The following SAMMSON variants were observed in gnomAD, a reference collection of about 807,000 sequenced individuals.
SAMMSON encodes survival associated mitochondrial melanoma specific oncogenic non-coding RNA.
At chr3:70,159,176 T>G (rs1468686207) in intron 4 of SAMMSON, among the ~76,000 whole-genome samples, 3 of 152,220 alleles carry the variant, frequency 2.0e-5, no homozygotes, top group Admixed American at 1.3e-4. Context: ...TTTTACTTAG[T>G]GATTTTTTTT....
intron 6 of SAMMSON, among the ~76,000 whole-genome samples, chr3:70,277,804 AC>A (rs763822023): frequency 3.9e-5 from 6 of 152,050 alleles, no homozygotes; most frequent in African/African-American, 7.2e-5. Flanking sequence ...CATTTTTTAT[AC>A]AAATGGTTGT....
intron 9 of SAMMSON, among the ~76,000 whole-genome samples, chr3:70,359,123 AT>A (rs1702852282): frequency 6.6e-6 from 1 of 151,950 alleles, no homozygotes; most frequent in Non-Finnish European, 1.5e-5. Flanking sequence ...ATCATCATCA[AT>A]TTCTCCTCTT....
At chr3:70,392,981 G>A (rs1222692591), downstream of SAMMSON, among the ~76,000 whole-genome samples, 1 of 152,022 alleles carries the variant, frequency 6.6e-6, no homozygotes, top group Non-Finnish European at 1.5e-5. Context: ...GCACATTTTG[G>A]GATCTCCAAT....
chr3:70,408,220 A>G (rs1031457164), intron 2 of SAMMSON, among the ~76,000 whole-genome samples: 1 of 152,096 alleles, frequency 6.6e-6, no homozygotes, highest in Non-Finnish European at 1.5e-5. Context: ...TGCCATGAAG[A>G]CCTCTAACAT....
intron 4 of SAMMSON, among the ~76,000 whole-genome samples, chr3:70,246,791 T>C (rs1701711502): frequency 6.6e-6 from 1 of 152,044 alleles, no homozygotes; most frequent in Non-Finnish European, 1.5e-5. Flanking sequence ...AAAAAACATT[T>C]TTAGAGGGAA....
chr3:70,004,386 G>A (rs2066918155), intron 1 of SAMMSON, among the ~76,000 whole-genome samples: 2 of 152,060 alleles, frequency 1.3e-5, no homozygotes, highest in African/African-American at 2.4e-5. Flanking sequence ...GGATGTCTTG[G>A]TACCATAAAA....
chr3:70,008,429 A>G (rs1212262024), intron 1 of SAMMSON, among the ~76,000 whole-genome samples: 3 of 152,156 alleles, frequency 2.0e-5, no homozygotes, highest in South Asian at 4.1e-4. Flanking sequence ...GAGTTCACTC[A>G]TGATTTGGCT....
At chr3:70,028,815 G>A (rs116610633) in intron 3 of SAMMSON, among the ~76,000 whole-genome samples, 128 of 152,266 alleles carry the variant, frequency 8.4e-4, no homozygotes, top group African/African-American at 2.9e-3. Flanking sequence ...TGTCATCCAC[G>A]CAGTGGAGTT....
At chr3:70,189,233 A>G (rs1701113380) in intron 4 of SAMMSON, among the ~76,000 whole-genome samples, 2 of 152,026 alleles carry the variant, frequency 1.3e-5, no homozygotes, top group Non-Finnish European at 2.9e-5. Flanking sequence ...TTTTGCATAG[A>G]TGGTATTAGT....
At chr3:70,405,864 A>AT (rs1701174615) in intron 2 of SAMMSON, among the ~76,000 whole-genome samples, 1 of 152,208 alleles carries the variant, frequency 6.6e-6, no homozygotes, top group African/African-American at 2.4e-5. Context: ...AATGTGTAGG[A>AT]TAAAAATAAA....
intron 3 of SAMMSON, among the ~76,000 whole-genome samples, chr3:70,051,946 A>T (rs759430588): frequency 2.0e-5 from 3 of 151,994 alleles, no homozygotes; most frequent in Non-Finnish European, 4.4e-5. Flanking sequence ...AAAAAATTAA[A>T]AAGTAACCAG....
chr3:70,393,717 A>C (rs1320489872), downstream of SAMMSON, among the ~76,000 whole-genome samples: 1 of 152,124 alleles, frequency 6.6e-6, no homozygotes, highest in Admixed American at 6.6e-5. Flanking sequence ...TGTAGGAAAC[A>C]TCAGGTGCAA....
At chr3:70,298,665 T>A (rs1470561694) in intron 7 of SAMMSON, among the ~76,000 whole-genome samples, 1 of 152,070 alleles carries the variant, frequency 6.6e-6, no homozygotes, top group Non-Finnish European at 1.5e-5. Context: ...GAGTAATAGG[T>A]TTAAAAATAC....
At chr3:70,286,299 C>A (rs1484302157) in intron 6 of SAMMSON, among the ~76,000 whole-genome samples, 1 of 152,092 alleles carries the variant, frequency 6.6e-6, no homozygotes, top group Non-Finnish European at 1.5e-5. Context: ...TTCCCAGCAC[C>A]GTTTATTAAA....
At chr3:70,045,111 TTATA>T (rs1553712318) in intron 3 of SAMMSON, among the ~76,000 whole-genome samples, 1 of 86,368 alleles carries the variant, frequency 1.2e-5, no homozygotes, top group East Asian at 2.1e-4. Context: ...ATATTATAAT[TTATA>T]TATATTAATT....
chr3:70,302,280 T>C (rs4546117), intron 7 of SAMMSON, among the ~76,000 whole-genome samples: 31,827 of 151,998 alleles, frequency 0.21, 3,546 homozygotes, highest in South Asian at 0.28. Flanking sequence ...TTACTAATGG[T>C]CTGGTGAACA....
chr3:70,075,732 A>C (rs996509264), intron 4 of SAMMSON, among the ~76,000 whole-genome samples: 1 of 152,170 alleles, frequency 6.6e-6, no homozygotes, highest in Non-Finnish European at 1.5e-5. Flanking sequence ...CTGAAAAGCA[A>C]GGAAAAGGAT....
chr3:70,391,193 A>G (rs1412925039), downstream of SAMMSON, among the ~76,000 whole-genome samples: 1 of 152,172 alleles, frequency 6.6e-6, no homozygotes, highest in Non-Finnish European at 1.5e-5. Flanking sequence ...ATCATCTCTG[A>G]AAACTAGTTT....
intron 4 of SAMMSON, among the ~76,000 whole-genome samples, chr3:70,219,348 C>T (rs952768013): frequency 4.6e-5 from 7 of 152,088 alleles, no homozygotes; most frequent in Non-Finnish European, 8.8e-5. Flanking sequence ...TGCATGCTCC[C>T]GATTCACAAA....
Sources: allele counts gnomAD v4.1 joint callset (sites outside exome capture counted in the v4.1 genomes callset), GRCh38; gene constraint gnomAD v4.1.1; transcripts MANE v1.5; gene names NCBI Gene and HGNC (gene_info 2026-07-23, HGNC 2026-07-21).